Variants in FUT8 observed in about 807,000 individuals in gnomAD.
FUT8 encodes alpha-(1,6)-fucosyltransferase.
Under a neutral mutation model 71.3 loss-of-function variants are expected in FUT8, and 29 were observed. The ratio of observed to expected loss-of-function variants is 0.41; its 90% confidence interval spans 0.30 to 0.55. The LOEUF is 0.55. Among genes scored for constraint, FUT8 ranks in the 20% least tolerant of loss-of-function variants. FUT8 has a pLI of 0.34. For synonymous variants in FUT8, 254 were observed against 239.3 expected, an observed-to-expected ratio of 1.06 and a Z score of -0.57; for missense variants, 544 against 702.1, an observed-to-expected ratio of 0.77 and a Z score of 2.55.
At chr14:65,423,537 C>T (rs1042823750) in intron 1 of FUT8, among the ~76,000 whole-genome samples, 40 of 152,222 alleles carry the variant, frequency 2.6e-4, no homozygotes, top group East Asian at 9.6e-4. Context: ...GCTGGGATTA[C>T]AGGCGTGAGC....
At chr14:65,503,279 G>A (rs900965613) in intron 2 of FUT8, among the ~76,000 whole-genome samples, 2 of 152,124 alleles carry the variant, frequency 1.3e-5, no homozygotes, top group Non-Finnish European at 2.9e-5. Context: ...GAGTAATGGA[G>A]GACAGAATAG....
rs1229545633 is a variant in FUT8 at position 65,724,145 on chromosome 14, A to C, written c.1083-2A>C. On this transcript the variant is annotated splice_acceptor_variant, in intron 8 of 10. Transcript: ENST00000673929. LOFTEE classifies it high-confidence loss of function. ...CCAGTAGAATCTGAATTTCTCCCCC[A>C]GAGTCCATGTCAGACGCACAGACAA... is the stretch of plus-strand genomic sequence containing the variant. The C allele has an allele frequency of 6.4e-7, 1 of 1,571,750 alleles. No homozygotes were observed. Among genetic ancestry groups the C allele is most frequent in the Non-Finnish European group, 8.6e-7 (1 of 1,161,392 alleles).
chr14:65,535,834 T>C (rs962928979), intron 2 of FUT8, among the ~76,000 whole-genome samples: 4 of 152,160 alleles, frequency 2.6e-5, no homozygotes, highest in Non-Finnish European at 4.4e-5. Flanking sequence ...TAAATATCTT[T>C]GTTAATTTTT....
At chr14:65,448,457 C>T (rs2065775600) in intron 1 of FUT8, among the ~76,000 whole-genome samples, 1 of 152,202 alleles carries the variant, frequency 6.6e-6, no homozygotes. Context: ...AAATAAAATA[C>T]ATCTGATATC....
intron 3 of FUT8, among the ~76,000 whole-genome samples, chr14:65,578,592 G>A (rs1443434588): frequency 6.6e-6 from 1 of 152,104 alleles, no homozygotes; most frequent in East Asian, 1.9e-4. Context: ...TATTGTTAGT[G>A]TATTTTATGT....
At chr14:65,553,875 T>G (rs1264666400) in intron 2 of FUT8, among the ~76,000 whole-genome samples, 2 of 152,068 alleles carry the variant, frequency 1.3e-5, no homozygotes, top group Non-Finnish European at 2.9e-5. Flanking sequence ...TAGCAGCTTT[T>G]TGTCTACATT....
chr14:65,503,440 G>A (rs1267765415), intron 2 of FUT8, among the ~76,000 whole-genome samples: 1 of 152,152 alleles, frequency 6.6e-6, no homozygotes, highest in African/African-American at 2.4e-5. Context: ...CTCTGCTTTT[G>A]ACAGTTTCAT....
At chr14:65,625,064 C>CATGAATAAATAA (rs1555376852) in intron 5 of FUT8, among the ~76,000 whole-genome samples, 1 of 146,418 alleles carries the variant, frequency 6.8e-6, no homozygotes, top group African/African-American at 2.5e-5. Flanking sequence ...GAAACTCTGT[C>CATGAATAAATAA]ATAAATAAAT....
At chr14:65,624,859 G>T (rs1450074562) in intron 5 of FUT8, among the ~76,000 whole-genome samples, 1 of 152,216 alleles carries the variant, frequency 6.6e-6, no homozygotes. Flanking sequence ...GAGGTCAGGA[G>T]TTCAAGACAA....
At chr14:65,616,448 A>T (rs1277219144) in intron 5 of FUT8, 75 bp downstream of exon 5, 5 of 1,287,532 alleles carry the variant, frequency 3.9e-6, no homozygotes, top group Non-Finnish European at 5.3e-6. Flanking sequence ...AGACTTGTTA[A>T]TCCATCTGTT....
chr14:65,579,398 A>G (rs1384556350), intron 3 of FUT8, among the ~76,000 whole-genome samples: 5 of 152,168 alleles, frequency 3.3e-5, no homozygotes, highest in African/African-American at 1.2e-4. Flanking sequence ...AGTATTGAAA[A>G]TGGCCACTTG....
chr14:65,658,435 A>G (rs1164555657), intron 6 of FUT8, among the ~76,000 whole-genome samples: 1 of 152,142 alleles, frequency 6.6e-6, no homozygotes, highest in Non-Finnish European at 1.5e-5. Context: ...ATTCCTGTAT[A>G]TCCTAGAGAA....
intron 10 of FUT8, among the ~76,000 whole-genome samples, chr14:65,737,365 A>G (rs1311988954): frequency 6.6e-6 from 1 of 151,992 alleles, no homozygotes; most frequent in Admixed American, 6.6e-5. Flanking sequence ...CAATATTAGC[A>G]TTTTTTTCAA....
At chr14:65,629,386 G>A in intron 5 of FUT8, 106 bp from the exon 6 acceptor site, 2 of 676,086 alleles carry the variant, frequency 3.0e-6, no homozygotes, top group South Asian at 2.0e-5. Context: ...CAGTGTCAAT[G>A]CGAGCATCAA....
intron 1 of FUT8, among the ~76,000 whole-genome samples, chr14:65,431,495 T>C (rs911151294): frequency 6.6e-6 from 1 of 151,782 alleles, no homozygotes; most frequent in African/African-American, 2.4e-5. Flanking sequence ...ATTTTTTTTG[T>C]AGAGGCTGGG....
chr14:65,723,483 C>A (rs1453791979), intron 8 of FUT8, among the ~76,000 whole-genome samples: 3 of 152,120 alleles, frequency 2.0e-5, no homozygotes, highest in African/African-American at 4.8e-5. Context: ...TTAATATCTG[C>A]TGTCATTTGA....
chr14:65,681,728 T>A (rs1457125857), intron 7 of FUT8, among the ~76,000 whole-genome samples: 1 of 152,220 alleles, frequency 6.6e-6, no homozygotes, highest in Non-Finnish European at 1.5e-5. Context: ...GTGATCACAT[T>A]ACAGTAATAG....
At chr14:65,476,469 G>T (rs2066241530) in intron 2 of FUT8, among the ~76,000 whole-genome samples, 1 of 152,178 alleles carries the variant, frequency 6.6e-6, no homozygotes, top group Non-Finnish European at 1.5e-5. Flanking sequence ...GTTTTGAGCT[G>T]TGTGAAACTC....
chr14:65,677,263 A>G (rs974009884), intron 7 of FUT8, among the ~76,000 whole-genome samples: 7 of 152,082 alleles, frequency 4.6e-5, no homozygotes, highest in African/African-American at 1.4e-4. Context: ...AGCAGATTAC[A>G]GAATCATAAA....
Sources: allele counts gnomAD v4.1 joint callset (sites outside exome capture counted in the v4.1 genomes callset), GRCh38; gene constraint gnomAD v4.1.1; transcripts MANE v1.5; gene names NCBI Gene and HGNC (gene_info 2026-07-23, HGNC 2026-07-21).